The following MTCH2 variants were observed in gnomAD, a reference collection of about 807,000 sequenced individuals.
MTCH2 encodes the protein mitochondrial carrier homolog 2.
A neutral mutation model predicts 50.6 loss-of-function variants in MTCH2; 25 were observed. The observed-to-expected ratio is 0.49, with a 90% confidence interval of 0.36 to 0.69. The LOEUF is 0.69. MTCH2 is among the 30% of genes least tolerant of loss of function. MTCH2 has a pLI of 0.00. For missense variants in MTCH2, 273 were observed against 384.4 expected (o/e 0.71, Z 2.42); for synonymous variants, 106 against 132.0 (o/e 0.80, Z 1.35).
At chr11:47,621,710 C>T (rs1016918737) in intron 12 of MTCH2, among the ~76,000 whole-genome samples, 2 of 152,050 alleles carry the variant, frequency 1.3e-5, no homozygotes, top group Admixed American at 6.6e-5. Flanking sequence ...GCTGGGATTA[C>T]ACCTGTGAGC....
At chr11:47,625,552 T>C in intron 11 of MTCH2, 122 bp downstream of exon 11, 1 of 758,364 alleles carries the variant, frequency 1.3e-6, no homozygotes, top group South Asian at 2.1e-5. Flanking sequence ...CCCCCCCTTT[T>C]TAAAAAAATA....
At chr11:47,621,427 T>G (rs2097293098) in intron 12 of MTCH2, among the ~76,000 whole-genome samples, 1 of 112,906 alleles carries the variant, frequency 8.9e-6, no homozygotes, top group Non-Finnish European at 1.7e-5. Flanking sequence ...CATTTGTTGT[T>G]GTTATTGTCT....
At chr11:47,626,368 CTTGCTCAG>C in intron 10 of MTCH2, among the ~76,000 whole-genome samples, 1 of 145,540 alleles carries the variant, frequency 6.9e-6, no homozygotes, top group Non-Finnish European at 1.5e-5. Flanking sequence ...GAAATGGGGT[CTTGCTCAG>C]TTGCCCAGGC....
At chr11:47,604,977 C>T in the MTCH2 span, among the ~76,000 whole-genome samples, 3 of 151,884 alleles carry the variant, frequency 2.0e-5, no homozygotes, top group Non-Finnish European at 4.4e-5. Flanking sequence ...ATCTCCCAGG[C>T]TGGAGTGCAG....
At chr11:47,627,823 T>C (rs1326770528) in intron 9 of MTCH2, among the ~76,000 whole-genome samples, 1 of 152,024 alleles carries the variant, frequency 6.6e-6, no homozygotes, top group Non-Finnish European at 1.5e-5. Flanking sequence ...CATAAAACAC[T>C]GATTATTAGA....
At chr11:47,633,524 A>ATTTTTT (rs1199068244) in intron 5 of MTCH2, among the ~76,000 whole-genome samples, 2 of 55,308 alleles carry the variant, frequency 3.6e-5, no homozygotes, top group African/African-American at 1.8e-4. Context: ...ATATATATAT[A>ATTTTTT]TATTTTTTTT....
intron 1 of MTCH2, 30 bp from the exon 2 acceptor site, chr11:47,639,081 A>G: frequency 6.5e-7 from 1 of 1,532,142 alleles, no homozygotes; most frequent in Middle Eastern, 1.7e-4. Flanking sequence ...TATCAATATT[A>G]AAGCAATATT....
At chr11:47,617,129 G>T (rs1237637322), downstream of MTCH2, among the ~76,000 whole-genome samples, 1 of 152,196 alleles carries the variant, frequency 6.6e-6, no homozygotes, top group Non-Finnish European at 1.5e-5. Context: ...CAGCAAGACT[G>T]AAACAGCTGG....
At chr11:47,626,859 C>T (rs769153718) in intron 10 of MTCH2, among the ~76,000 whole-genome samples, 10 of 151,966 alleles carry the variant, frequency 6.6e-5, no homozygotes, top group Non-Finnish European at 1.3e-4. Context: ...GTGATCCGCC[C>T]ACCTCACCTT....
the MTCH2 span, among the ~76,000 whole-genome samples, chr11:47,607,556 C>T: frequency 6.6e-6 from 1 of 152,156 alleles, no homozygotes; most frequent in Non-Finnish European, 1.5e-5. Flanking sequence ...TGGCTAGCGT[C>T]TCCCAGACAC....
downstream of MTCH2, among the ~76,000 whole-genome samples, chr11:47,616,450 G>A (rs1053268873): frequency 7.2e-5 from 11 of 151,946 alleles, no homozygotes; most frequent in African/African-American, 2.4e-4. Flanking sequence ...AGGTTCAAGC[G>A]ATTCTCCTGC....
intron 9 of MTCH2, among the ~76,000 whole-genome samples, 178 bp from the exon 10 acceptor site, chr11:47,627,305 A>G (rs776778837): frequency 1.3e-4 from 19 of 151,696 alleles, no homozygotes; most frequent in Non-Finnish European, 2.8e-4. Flanking sequence ...TAATTTCAAA[A>G]TATTTTTTAA....
At chr11:47,614,245 T>A (rs1463295516), downstream of MTCH2, among the ~76,000 whole-genome samples, 1 of 152,074 alleles carries the variant, frequency 6.6e-6, no homozygotes, top group Non-Finnish European at 1.5e-5. Flanking sequence ...CTGGTTTGAA[T>A]TCAGCCCTGA....
the MTCH2 span, among the ~76,000 whole-genome samples, chr11:47,609,426 C>CCATCT: frequency 6.9e-6 from 1 of 144,750 alleles, no homozygotes; most frequent in Non-Finnish European, 1.5e-5. Context: ...CCACTGCACT[C>CCATCT]CAGCCTGGGC....
At chr11:47,641,081 G>A (rs564892772) in intron 1 of MTCH2, among the ~76,000 whole-genome samples, 17 of 152,192 alleles carry the variant, frequency 1.1e-4, no homozygotes, top group East Asian at 3.9e-4. Context: ...ATTTTTAGTA[G>A]AGACGGGGTT....
the MTCH2 span, among the ~76,000 whole-genome samples, chr11:47,606,597 A>G: frequency 6.6e-6 from 1 of 152,220 alleles, no homozygotes; most frequent in Non-Finnish European, 1.5e-5. Context: ...CTCTTGTGCC[A>G]TATTGCCATC....
intron 5 of MTCH2, among the ~76,000 whole-genome samples, chr11:47,633,526 ATTTTTT>A (rs869251946): frequency 0.013 from 465 of 34,932 alleles, 2 homozygotes; most frequent in Middle Eastern, 0.05. Flanking sequence ...ATATATATAT[ATTTTTT>A]TTTTTTTTTT....
chr11:47,607,921 C>A, the MTCH2 span, among the ~76,000 whole-genome samples: 1 of 152,168 alleles, frequency 6.6e-6, no homozygotes, highest in Non-Finnish European at 1.5e-5. Flanking sequence ...ACCACGAGTT[C>A]CCTCCTCTCA....
intron 5 of MTCH2, among the ~76,000 whole-genome samples, chr11:47,633,994 G>A (rs918224000): frequency 5.3e-5 from 8 of 152,152 alleles, no homozygotes; most frequent in African/African-American, 1.9e-4. Flanking sequence ...AATGGGTGAT[G>A]AGGAACTTTT....
Sources: allele counts gnomAD v4.1 joint callset (sites outside exome capture counted in the v4.1 genomes callset), GRCh38; gene constraint gnomAD v4.1.1; transcripts MANE v1.5; gene names NCBI Gene and HGNC (gene_info 2026-07-23, HGNC 2026-07-21).